Variants in SH3RF2 observed in about 807,000 individuals in gnomAD.
The protein encoded by SH3RF2 is SH3 domain containing ring finger 2.
A neutral mutation model predicts 59.0 loss-of-function variants in SH3RF2; 43 were observed. The observed-to-expected ratio is 0.73, with a 90% CI of 0.57 to 0.94. The LOEUF (loss-of-function observed/expected upper bound fraction) is 0.94. SH3RF2 is among the 40% of genes least tolerant of loss of function. The pLI is 0.00. For synonymous variants in SH3RF2, 391 were observed against 391.5 expected, an observed-to-expected ratio of 1.00 and a Z score of 0.01; for missense variants, 930 against 940.1, an observed-to-expected ratio of 0.99 and a Z score of 0.14.
At chr5:146,064,717 A>G (rs1264367763), downstream of SH3RF2, among the ~76,000 whole-genome samples, 16 of 28,282 alleles carry the variant, frequency 5.7e-4, 2 homozygotes, top group Admixed American at 1.5e-3. Flanking sequence ...AAAGAAAGAA[A>G]GAAAGAAAGA....
intron 2 of SH3RF2, among the ~76,000 whole-genome samples, chr5:145,961,801 C>G (rs180719517): frequency 6.6e-6 from 1 of 152,162 alleles, no homozygotes; most frequent in African/African-American, 2.4e-5. Flanking sequence ...TGTAGGAAGA[C>G]CTTCTCAGTT....
intron 5 of SH3RF2, among the ~76,000 whole-genome samples, chr5:146,035,358 T>C (rs916686655): frequency 5.9e-5 from 9 of 151,902 alleles, no homozygotes; most frequent in Admixed American, 2.6e-4. Context: ...ATTAACTTTT[T>C]TTTTAACTTT....
intron 2 of SH3RF2, among the ~76,000 whole-genome samples, chr5:145,990,186 A>G (rs1000507726): frequency 7.9e-5 from 12 of 152,206 alleles, no homozygotes; most frequent in African/African-American, 2.7e-4. Flanking sequence ...CTAGTTACCT[A>G]TCTAGCTTGC....
chr5:146,030,039 T>C (rs1471896556), intron 5 of SH3RF2, among the ~76,000 whole-genome samples: 1 of 152,184 alleles, frequency 6.6e-6, no homozygotes, highest in Non-Finnish European at 1.5e-5. Context: ...TCCAAGACAC[T>C]TCAGCTAGGG....
chr5:145,955,955 G>T lies in SH3RF2; in HGVS notation c.378+17649G>T, dbSNP rs568541498. Among the ~76,000 whole-genome samples the T allele has an allele frequency of 7.0e-4, 107 of 152,290 alleles. 1 individual carries two copies. The highest frequency in any genetic ancestry group is 1.9e-3 in the South Asian group (9 of 4,816). On this transcript the variant is annotated intron_variant, in intron 2 of 9. Coordinates refer to ENST00000359120, the MANE Select transcript of SH3RF2 (RefSeq NM_152550.4). The stretch of plus-strand genomic sequence containing the variant: ...GAATAAAGTTTATCTTTGGGAGACA[G>T]GATAGGGAGAAAATTGAGGCCAGAT...
chr5:146,081,175 G>A (rs75700540), exon 10 of SH3RF2: 1 of 152,106 alleles, frequency 6.6e-6, no homozygotes. Flanking sequence ...TAGCAATCCA[G>A]ATTTTTTGTA....
intron 5 of SH3RF2, among the ~76,000 whole-genome samples, chr5:146,047,052 C>T (rs879174967): frequency 1.3e-5 from 2 of 152,098 alleles, no homozygotes; most frequent in African/African-American, 4.8e-5. Flanking sequence ...GCACTGAGCC[C>T]GGCCTTCCAG....
intron 2 of SH3RF2, among the ~76,000 whole-genome samples, chr5:145,945,177 A>G (rs1159159433): frequency 6.6e-6 from 1 of 152,230 alleles, no homozygotes; most frequent in Non-Finnish European, 1.5e-5. Flanking sequence ...ACTATGTTAC[A>G]TGCTCACTGT....
At chr5:146,021,082 A>G (rs1323475089) in intron 5 of SH3RF2, among the ~76,000 whole-genome samples, 1 of 152,170 alleles carries the variant, frequency 6.6e-6, no homozygotes, top group African/African-American at 2.4e-5. Flanking sequence ...ACTGTCTTTC[A>G]TAGGAGTCAC....
intron 4 of SH3RF2, among the ~76,000 whole-genome samples, chr5:146,006,370 G>A (rs1209745737): frequency 5.3e-5 from 8 of 152,056 alleles, no homozygotes; most frequent in Admixed American, 5.2e-4. Flanking sequence ...ACAGTGAGCC[G>A]TGATTGTGCC....
intron 2 of SH3RF2, among the ~76,000 whole-genome samples, chr5:145,948,988 T>C (rs770736691): frequency 6.6e-6 from 1 of 152,250 alleles, no homozygotes; most frequent in Admixed American, 6.5e-5. Context: ...GTTTGCCATA[T>C]TGCAAGAAAC....
At chr5:146,050,096 G>A (rs539748031) in intron 7 of SH3RF2, 3 of 152,362 alleles carry the variant, frequency 2.0e-5, no homozygotes, top group African/African-American at 7.2e-5. Flanking sequence ...ATTTAGGTGA[G>A]CTGCCACGTC....
At chr5:145,969,535 T>C (rs1758991473) in intron 2 of SH3RF2, among the ~76,000 whole-genome samples, 1 of 152,116 alleles carries the variant, frequency 6.6e-6, no homozygotes, top group Non-Finnish European at 1.5e-5. Flanking sequence ...GCTTGGTTTA[T>C]GTAACAGCTA....
intron 2 of SH3RF2, among the ~76,000 whole-genome samples, chr5:145,970,481 A>T (rs1163490643): frequency 1.3e-5 from 2 of 152,192 alleles, no homozygotes; most frequent in African/African-American, 4.8e-5. Context: ...GTAGTATTCC[A>T]TGGTACATAT....
At chr5:145,962,888 CTTTTTTTTTTTTTT>C (rs1168517787) in intron 2 of SH3RF2, among the ~76,000 whole-genome samples, 4 of 104,550 alleles carry the variant, frequency 3.8e-5, no homozygotes, top group Non-Finnish European at 7.1e-5. Flanking sequence ...TATTATTCCA[CTTTTTTTTTTTTTT>C]TTTTTTTTTT....
At chr5:145,956,350 G>A (rs549652309) in intron 2 of SH3RF2, among the ~76,000 whole-genome samples, 5 of 152,096 alleles carry the variant, frequency 3.3e-5, no homozygotes, top group Admixed American at 6.6e-5. Context: ...ATCTCAGCTC[G>A]CTGCAACCTC....
intron 4 of SH3RF2, among the ~76,000 whole-genome samples, chr5:146,012,686 G>C (rs1760951507): frequency 6.6e-6 from 1 of 152,080 alleles, no homozygotes; most frequent in South Asian, 2.1e-4. Context: ...AAATTTAAGA[G>C]TTATTGCACT....
intron 9 of SH3RF2, among the ~76,000 whole-genome samples, chr5:146,072,030 G>A (rs1763250532): frequency 6.6e-6 from 1 of 152,204 alleles, no homozygotes; most frequent in South Asian, 2.1e-4. Context: ...TAGTTGTTAA[G>A]AGAGCTTCGT....
At chr5:145,961,893 A>C (rs1442482109) in intron 2 of SH3RF2, among the ~76,000 whole-genome samples, 1 of 152,168 alleles carries the variant, frequency 6.6e-6, no homozygotes, top group Non-Finnish European at 1.5e-5. Context: ...TGGAGGCTAG[A>C]CCTCAGACCC....
Sources: gnomAD v4.1 joint callset for allele counts (sites outside exome capture counted in the v4.1 genomes callset) on GRCh38, gnomAD v4.1.1 for gene constraint, MANE v1.5 for transcripts, NCBI Gene and HGNC (gene_info 2026-07-23, HGNC 2026-07-21) for gene names.